The following NOL10 variants were observed in gnomAD, a reference collection of about 807,000 sequenced individuals.
The protein encoded by NOL10 is H_NH0074G24.1.
NOL10 carries 58 observed loss-of-function variants against 103.5 expected under a neutral mutation model. The observed-to-expected ratio is 0.56, with a 90% CI of 0.45 to 0.70. The LOEUF (loss-of-function observed/expected upper bound fraction) is 0.70. Among genes scored for constraint, NOL10 ranks in the 30% least tolerant of loss-of-function variants. NOL10 has a pLI of 0.00. For missense variants in NOL10, 763 were observed against 807.3 expected, an observed-to-expected ratio of 0.95 and a Z score of 0.67; for synonymous variants, 287 against 282.5, an observed-to-expected ratio of 1.02 and a Z score of -0.16.
At chr2:10,661,073 C>T (rs942792257) in intron 9 of NOL10, among the ~76,000 whole-genome samples, 3 of 152,000 alleles carry the variant, frequency 2.0e-5, no homozygotes, top group African/African-American at 2.4e-5. Flanking sequence ...TGTGGTAACA[C>T]TTTATTTATT....
intron 13 of NOL10, chr2:10,634,670 C>A: frequency 2.2e-6 from 1 of 453,606 alleles, no homozygotes; most frequent in South Asian, 1.6e-5. Context: ...AAAGAAGAGA[C>A]AAGGACTAAG....
intron 3 of NOL10, among the ~76,000 whole-genome samples, chr2:10,678,153 ATCC>A (rs1174037307): frequency 1.3e-5 from 2 of 152,070 alleles, no homozygotes; most frequent in Non-Finnish European, 2.9e-5. Flanking sequence ...GGCTCAGGCA[ATCC>A]TCCTGCCTCT....
At chr2:10,592,421 C>G (rs953951264) in intron 17 of NOL10, among the ~76,000 whole-genome samples, 2 of 152,086 alleles carry the variant, frequency 1.3e-5, no homozygotes, top group African/African-American at 4.8e-5. Context: ...GCCTGTGGCA[C>G]AGGGAGAAGA....
Position 10,675,584 on chromosome 2 carries a change from G to A in NOL10, c.289+210C>T, listed in dbSNP as rs138406672. On this transcript the variant is annotated intron_variant, in intron 4 of 20. Coordinates refer to ENST00000381685, the MANE Select transcript of NOL10 (RefSeq NM_024894.4). ...CAGAGCTCCACCTGGTCAACACCCT[G>A]ACCTCCTGTCTGAGCACAGAACCTG... Among the ~76,000 whole-genome samples, 647 of 152,036 alleles carry A rather than the reference G, an allele frequency of 4.3e-3. 9 individuals carry two copies. The highest frequency in any genetic ancestry group is 0.014 in the African/African-American group (596 of 41,462).
At position 10,667,721 on chromosome 2, in the gene NOL10, G is replaced by A. The variant is rs201103435; in HGVS notation, c.531-443C>T. On this transcript the variant is annotated intron_variant, in intron 7 of 20. Transcript: ENST00000381685. The stretch of plus-strand genomic sequence containing the variant: ...GTAAAATGGATATTTCACCTACCTC[G>A]GGGGGTTGTTATGGGGATTAAATGA... Among the ~76,000 whole-genome samples the A allele has an allele frequency of 5.9e-5, 9 of 152,178 alleles. No homozygotes were observed. In the East Asian group the frequency reaches 9.7e-4, roughly 16 times the overall value.
chr2:10,639,701 C>T (rs569217791), intron 13 of NOL10, among the ~76,000 whole-genome samples: 1 of 152,194 alleles, frequency 6.6e-6, no homozygotes, highest in South Asian at 2.1e-4. Context: ...AAAGAACTAA[C>T]CTAAGATTAA....
At position 10,571,472 on chromosome 2, in the gene NOL10, TCAAA is replaced by T. The variant is rs776428021; in HGVS notation, c.*595_*598del. On this transcript the variant is annotated 3_prime_UTR_variant, in exon 21 of 21. Transcript: ENST00000381685. Reference sequence around the variant, plus strand: ...GTGCAAGAACAGATAAATACAGTGCTCAAACAGTTTTAGATTTTCGGATTTGGGA... The same window carrying T: ...GTGCAAGAACAGATAAATACAGTGCTCAGTTTTAGATTTTCGGATTTGGGA... The T allele has an allele frequency of 2.6e-5, 4 of 152,534 alleles. No homozygotes were observed. The highest frequency in any genetic ancestry group is 6.5e-5 in the Admixed American group (1 of 15,314). The allele number at this position is 152,534 out of a possible 1,614,324, so 9.4% of individuals were successfully genotyped here.
At chr2:10,647,504 G>C (rs1223045837) in intron 12 of NOL10, among the ~76,000 whole-genome samples, 1 of 152,184 alleles carries the variant, frequency 6.6e-6, no homozygotes, top group Non-Finnish European at 1.5e-5. Context: ...ACGTATCAAC[G>C]TGCAGTGGAT....
chr2:10,606,845 C>T (rs1165103593), intron 14 of NOL10, among the ~76,000 whole-genome samples: 2 of 152,006 alleles, frequency 1.3e-5, no homozygotes, highest in Non-Finnish European at 2.9e-5. Context: ...ATTTTCAAAA[C>T]CTTATTATAC....
chr2:10,617,005 TGACA>T (rs751274146), intron 13 of NOL10, among the ~76,000 whole-genome samples: 2 of 150,110 alleles, frequency 1.3e-5, no homozygotes, highest in African/African-American at 4.9e-5. Context: ...AGATACTCAG[TGACA>T]AAACACAGAA....
At chr2:10,579,864 A>T (rs1674657986) in intron 19 of NOL10, among the ~76,000 whole-genome samples, 1 of 152,198 alleles carries the variant, frequency 6.6e-6, no homozygotes, top group South Asian at 2.1e-4. Flanking sequence ...TAATTTAGGA[A>T]GAAAAAGACT....
intron 12 of NOL10, among the ~76,000 whole-genome samples, chr2:10,653,388 C>G (rs1488538058): frequency 2.0e-5 from 3 of 152,126 alleles, no homozygotes; most frequent in Non-Finnish European, 4.4e-5. Flanking sequence ...AAGCCATAAT[C>G]TTTCCAAACT....
intron 4 of NOL10, 108 bp downstream of exon 4, chr2:10,675,686 G>T (rs1383660292): frequency 3.2e-6 from 2 of 633,986 alleles, no homozygotes; most frequent in Non-Finnish European, 5.6e-6. Flanking sequence ...ACAGTAATTT[G>T]TTATACAGCA....
At chr2:10,630,235 T>G (rs1346596571) in intron 13 of NOL10, among the ~76,000 whole-genome samples, 1 of 152,250 alleles carries the variant, frequency 6.6e-6, no homozygotes, top group Non-Finnish European at 1.5e-5. Flanking sequence ...CCTCTTTTGT[T>G]GCTCAAGAAA....
Position 10,573,866 on chromosome 2 carries a change from C to T in NOL10, c.1948-1676G>A, listed in dbSNP as rs186326903. Reference sequence around the variant, plus strand: ...GTCCCACCCAAGCCCAGGCTGCTGCCGCTCCTAAGCATGGCCACCACGGAG... The same window carrying T: ...GTCCCACCCAAGCCCAGGCTGCTGCTGCTCCTAAGCATGGCCACCACGGAG... On this transcript the variant is annotated intron_variant, in intron 20 of 20. Transcript: ENST00000381685. Among the ~76,000 whole-genome samples, 106 of 152,266 alleles carry T rather than the reference C, an allele frequency of 7.0e-4. 2 individuals carry two copies. The highest frequency in any genetic ancestry group is 6.5e-3 in the Admixed American group (99 of 15,290).
intron 13 of NOL10, among the ~76,000 whole-genome samples, chr2:10,636,262 G>A (rs535612137): frequency 1.8e-4 from 28 of 151,924 alleles, no homozygotes; most frequent in African/African-American, 6.5e-4. Flanking sequence ...ATATACTCTG[G>A]ATAGCTGATA....
rs562963925 is a variant in NOL10, at chr2:10,672,258, C to T, written c.328-568G>A. 1.1e-3 allele frequency among the ~76,000 whole-genome samples: 166 copies of T among 152,070 alleles called. 1 individual carries two copies. The highest frequency in any genetic ancestry group is 3.9e-3 in the African/African-American group (162 of 41,462). On this transcript the variant is annotated intron_variant, in intron 5 of 20. Transcript: ENST00000381685. Reference sequence around the variant, plus strand: ...AGGAAAATCGCTTGAACCCAGGAGCCGGAGGATGCAGTGAGCCGAGATTGT... The same window carrying T: ...AGGAAAATCGCTTGAACCCAGGAGCTGGAGGATGCAGTGAGCCGAGATTGT...
chr2:10,573,708 C>A (rs4669595), intron 20 of NOL10, among the ~76,000 whole-genome samples: 2 of 150,936 alleles, frequency 1.3e-5, no homozygotes, highest in Non-Finnish European at 2.9e-5. Flanking sequence ...GTTCTTAAAC[C>A]GGGTTTCTGC....
chr2:10,625,816 T>C (rs1020808765), intron 13 of NOL10, among the ~76,000 whole-genome samples: 2 of 152,140 alleles, frequency 1.3e-5, no homozygotes, highest in Non-Finnish European at 2.9e-5. Context: ...CTTTTATGTC[T>C]ATTTGAAATT....
Sources: gnomAD v4.1 joint callset for allele counts (sites outside exome capture counted in the v4.1 genomes callset) on GRCh38, gnomAD v4.1.1 for gene constraint, MANE v1.5 for transcripts, NCBI Gene and HGNC (gene_info 2026-07-23, HGNC 2026-07-21) for gene names.